SOX5: variants seen among roughly 807,000 people sequenced by gnomAD.
SOX5 encodes the protein SRY-box transcription factor 5.
In SOX5, 9 loss-of-function variants were observed where a neutral mutation model predicts 92.0. The observed-to-expected ratio is 0.10, with a 90% CI of 0.06 to 0.17. SOX5 has a LOEUF of 0.17. Ranked by LOEUF, SOX5 falls within the 10% of genes least tolerant of loss-of-function variation. The probability of loss-of-function intolerance (pLI) is 1.00; values close to 1 mark genes in which losing one functional copy is unlikely to be tolerated. For synonymous variants in SOX5, 344 were observed against 336.3 expected, an observed-to-expected ratio of 1.02 and a Z score of -0.25; for missense variants, 642 against 944.5, an observed-to-expected ratio of 0.68 and a Z score of 4.20.
In SOX5 at chr12:23,536,444, G is replaced by C. The variant is rs762322316; in HGVS notation, c.1988+9C>G. On this transcript the variant is annotated intron_variant, in intron 14 of 14. Coordinates refer to ENST00000451604, the MANE Select transcript of SOX5 (RefSeq NM_006940.6). Reference sequence around the variant, plus strand: ...TGCCCCATGAGAAAAATGACTAAAAGGTACATACCCAACATTGAAGTACTG... The same window carrying C: ...TGCCCCATGAGAAAAATGACTAAAACGTACATACCCAACATTGAAGTACTG... The C allele has an allele frequency of 3.1e-6, 5 of 1,608,542 alleles. No homozygotes were observed. The highest frequency in any genetic ancestry group is 1.1e-5 in the South Asian group (1 of 90,940).
chr12:23,729,116 T>G (rs944343262), intron 6 of SOX5, among the ~76,000 whole-genome samples: 1 of 152,078 alleles, frequency 6.6e-6, no homozygotes, highest in African/African-American at 2.4e-5. Context: ...AAGCACACAT[T>G]TTTCTCTCTA....
intron 4 of SOX5, chr12:24,213,258 G>A (rs1186020387): frequency 6.6e-6 from 1 of 151,864 alleles, no homozygotes; most frequent in African/African-American, 2.4e-5. Flanking sequence ...GCACATGGAA[G>A]AAATAAGCAA....
chr12:23,905,214 C>T (rs1356010484), intron 1 of SOX5, among the ~76,000 whole-genome samples: 1 of 152,096 alleles, frequency 6.6e-6, no homozygotes, highest in Admixed American at 6.6e-5. Flanking sequence ...CTGTTCTATC[C>T]TTTTCTAAAC....
chr12:23,858,064 C>G (rs1373920284), intron 2 of SOX5, among the ~76,000 whole-genome samples: 1 of 103,626 alleles, frequency 9.7e-6, no homozygotes, highest in African/African-American at 2.9e-5. Context: ...ATTTAATATG[C>G]CTGTATGTGT....
At chr12:23,989,218 CAAAAAAAAAAAAAA>C (rs554892984) in intron 4 of SOX5, among the ~76,000 whole-genome samples, 1 of 104,472 alleles carries the variant, frequency 9.6e-6, no homozygotes, top group Admixed American at 1.1e-4. Flanking sequence ...GCCAAAAATA[CAAAAAAAAAAAAAA>C]AAAAAAAAAA....
chr12:23,831,956 C>CCACACACACACACACA (rs1568152842), intron 3 of SOX5, among the ~76,000 whole-genome samples: 1 of 8,626 alleles, frequency 1.2e-4, no homozygotes, highest in African/African-American at 4.2e-4. Context: ...GAAAGGGGAA[C>CCACACACACACACACA]TACACACACA....
At chr12:23,891,115 G>A (rs1317838393) in intron 2 of SOX5, among the ~76,000 whole-genome samples, 1 of 152,176 alleles carries the variant, frequency 6.6e-6, no homozygotes, top group African/African-American at 2.4e-5. Flanking sequence ...TATGTATATA[G>A]TGTGCTTAAG....
At chr12:24,387,200 T>C (rs1427255747) in intron 1 of SOX5, among the ~76,000 whole-genome samples, 1 of 152,210 alleles carries the variant, frequency 6.6e-6, no homozygotes, top group East Asian at 1.9e-4. Context: ...GGATACAGCA[T>C]CTCCATTAAC....
Position 23,990,664 on chromosome 12 carries a change from A to G in SOX5, c.-1-94640T>C, listed in dbSNP as rs147554799. ...TGTACTACACTTCTGTATCTTCTAC[A>G]TGTTTCTATTATTCCATGTATTCAT... is the stretch of plus-strand genomic sequence containing the variant. On this transcript the variant is annotated intron_variant, in intron 4 of 4. Coordinates refer to the SOX5 transcript ENST00000446891. Among the ~76,000 whole-genome samples the G allele has an allele frequency of 1.4e-3, 213 of 152,198 alleles. 1 individual carries two copies. Among genetic ancestry groups the G allele is most frequent in the African/African-American group, 4.7e-3 (196 of 41,538 alleles).
chr12:23,684,599 G>GT (rs767946566), intron 6 of SOX5, among the ~76,000 whole-genome samples: 1 of 152,014 alleles, frequency 6.6e-6, no homozygotes, highest in East Asian at 1.9e-4. Flanking sequence ...AGGTTTTGGT[G>GT]TGTCTGGAAA....
chr12:23,879,742 T>G (rs2096966822), intron 2 of SOX5, among the ~76,000 whole-genome samples: 1 of 152,180 alleles, frequency 6.6e-6, no homozygotes, highest in South Asian at 2.1e-4. Context: ...TTCATATACC[T>G]CACAAGCTAA....
At chr12:23,817,911 G>T (rs544345962) in intron 3 of SOX5, among the ~76,000 whole-genome samples, 5 of 152,216 alleles carry the variant, frequency 3.3e-5, no homozygotes, top group African/African-American at 9.6e-5. Flanking sequence ...AATATAGTAA[G>T]ACCTCCATAA....
intron 1 of SOX5, among the ~76,000 whole-genome samples, chr12:24,372,256 G>A (rs986432965): frequency 6.6e-6 from 1 of 152,038 alleles, no homozygotes; most frequent in African/African-American, 2.4e-5. Context: ...TCTACATTAG[G>A]TATTTCTCCT....
chr12:24,015,926 A>G (rs1438835854), intron 4 of SOX5, among the ~76,000 whole-genome samples: 1 of 151,738 alleles, frequency 6.6e-6, no homozygotes, highest in Non-Finnish European at 1.5e-5. Flanking sequence ...GGGGCAGAAA[A>G]AAAAAAAAAA....
At chr12:24,553,253 G>A (rs1253405994) in intron 1 of SOX5, among the ~76,000 whole-genome samples, 5 of 152,164 alleles carry the variant, frequency 3.3e-5, no homozygotes, top group East Asian at 1.9e-4. Flanking sequence ...AGACTGTCCC[G>A]CTCACTAGAG....
At chr12:23,711,128 T>C in intron 6 of SOX5, among the ~76,000 whole-genome samples, 1 of 152,200 alleles carries the variant, frequency 6.6e-6, no homozygotes, top group Non-Finnish European at 1.5e-5. Context: ...TACCTTATTT[T>C]CAAAAAGAGT....
At chr12:23,844,991 G>C (rs1470061427) in intron 3 of SOX5, among the ~76,000 whole-genome samples, 1 of 152,070 alleles carries the variant, frequency 6.6e-6, no homozygotes, top group Non-Finnish European at 1.5e-5. Flanking sequence ...CCAAAATCCA[G>C]GTCCCAGTTA....
chr12:24,237,512 T>C (rs1031146493), intron 3 of SOX5, among the ~76,000 whole-genome samples: 2 of 152,100 alleles, frequency 1.3e-5, no homozygotes, highest in Non-Finnish European at 2.9e-5. Flanking sequence ...TTTAATTTTC[T>C]TCAAAAGTTT....
intron 4 of SOX5, among the ~76,000 whole-genome samples, chr12:24,033,844 C>G (rs180923446): frequency 1.9e-4 from 29 of 152,084 alleles, no homozygotes; most frequent in Admixed American, 1.2e-3. Flanking sequence ...CTTACGCTAG[C>G]CTGAGTCAGA....
Sources: allele counts gnomAD v4.1 joint callset (sites outside exome capture counted in the v4.1 genomes callset), GRCh38; gene constraint gnomAD v4.1.1; transcripts MANE v1.5; gene names NCBI Gene and HGNC (gene_info 2026-07-23, HGNC 2026-07-21).